Variants in ENTREP2 observed in about 807,000 individuals in gnomAD.
ENTREP2 encodes the protein endosomal transmembrane epsin interactor 2.
chr15:29,259,805 C>T, the ENTREP2 span, among the ~76,000 whole-genome samples: 668 of 146,820 alleles, frequency 4.5e-3, 2 homozygotes, highest in African/African-American at 0.017. Flanking sequence ...GGTGAAATCC[C>T]ATTTACATAT....
At chr15:29,445,379 G>A in the ENTREP2 span, among the ~76,000 whole-genome samples, 2 of 152,126 alleles carry the variant, frequency 1.3e-5, no homozygotes, top group African/African-American at 4.8e-5. Flanking sequence ...CCTGTGATTA[G>A]AGCGTTGGAA....
the ENTREP2 span, among the ~76,000 whole-genome samples, chr15:29,205,090 G>T: frequency 6.6e-6 from 1 of 152,218 alleles, no homozygotes; most frequent in South Asian, 2.1e-4. Flanking sequence ...TCCTTTTGTG[G>T]CTGGCCTATT....
chr15:29,444,199 A>AC, the ENTREP2 span, among the ~76,000 whole-genome samples: 735 of 144,792 alleles, frequency 5.1e-3, 14 homozygotes, highest in African/African-American at 0.013. Flanking sequence ...AGAAAGAAAG[A>AC]AAGAAAGAAA....
the ENTREP2 span, among the ~76,000 whole-genome samples, chr15:29,492,914 GA>G: frequency 6.6e-6 from 1 of 151,356 alleles, no homozygotes; most frequent in South Asian, 2.1e-4. Context: ...TGAGGCAGGA[GA>G]ATCGCTTGAA....
the ENTREP2 span, among the ~76,000 whole-genome samples, chr15:29,300,412 T>TGGAC: frequency 6.7e-6 from 1 of 149,306 alleles, no homozygotes; most frequent in Admixed American, 6.6e-5. Flanking sequence ...GATGGATGGA[T>TGGAC]GGATGGATGG....
the ENTREP2 span, among the ~76,000 whole-genome samples, chr15:29,478,950 T>C: frequency 6.7e-6 from 1 of 149,326 alleles, no homozygotes; most frequent in Non-Finnish European, 1.5e-5. Flanking sequence ...ATCCCAGCAC[T>C]TTGGGAGGCC....
At chr15:29,228,502 A>C in the ENTREP2 span, among the ~76,000 whole-genome samples, 5 of 152,196 alleles carry the variant, frequency 3.3e-5, no homozygotes, top group African/African-American at 1.2e-4. Context: ...GGGATGATGA[A>C]AAAGTTCTGG....
chr15:29,516,246 C>T, the ENTREP2 span, among the ~76,000 whole-genome samples: 3 of 152,108 alleles, frequency 2.0e-5, no homozygotes, highest in South Asian at 6.2e-4. Context: ...GAAACGGTCA[C>T]ACAGGGTACA....
At chr15:29,267,873 T>C in the ENTREP2 span, 1 of 152,226 alleles carries the variant, frequency 6.6e-6, no homozygotes, top group Non-Finnish European at 1.5e-5. Flanking sequence ...GGAACCTATG[T>C]AAATTCATAT....
the ENTREP2 span, among the ~76,000 whole-genome samples, chr15:29,538,993 C>G: frequency 6.6e-6 from 1 of 152,276 alleles, no homozygotes; most frequent in Non-Finnish European, 1.5e-5. Flanking sequence ...TAAGCTTTCT[C>G]CCTGTGGACT....
chr15:29,298,893 TA>T, the ENTREP2 span, among the ~76,000 whole-genome samples: 24,693 of 152,136 alleles, frequency 0.16, 3,359 homozygotes, highest in African/African-American at 0.38. Context: ...CAACCTCTGA[TA>T]AGACCTTTCA....
the ENTREP2 span, among the ~76,000 whole-genome samples, chr15:29,176,807 C>T: frequency 6.6e-6 from 1 of 152,240 alleles, no homozygotes. Context: ...TGCCCTTCTC[C>T]TCCTACTCTG....
At chr15:29,230,174 G>A in the ENTREP2 span, among the ~76,000 whole-genome samples, 5 of 152,182 alleles carry the variant, frequency 3.3e-5, 1 homozygote, top group South Asian at 1.0e-3. Flanking sequence ...TATTGCCTTA[G>A]GTTGGATCCT....
the ENTREP2 span, among the ~76,000 whole-genome samples, chr15:29,607,893 T>G: frequency 6.6e-6 from 1 of 151,898 alleles, no homozygotes; most frequent in Non-Finnish European, 1.5e-5. Context: ...TATTAAGTAT[T>G]AAATTATATG....
At chr15:29,473,796 C>T in the ENTREP2 span, among the ~76,000 whole-genome samples, 2 of 152,208 alleles carry the variant, frequency 1.3e-5, no homozygotes, top group Non-Finnish European at 2.9e-5. Context: ...ACCTCAGGGC[C>T]CCGGCCGCAG....
the ENTREP2 span, among the ~76,000 whole-genome samples, chr15:29,352,800 C>T: frequency 6.6e-6 from 1 of 152,198 alleles, no homozygotes; most frequent in African/African-American, 2.4e-5. Flanking sequence ...TATCAACTTC[C>T]CTTCAGACAT....
At chr15:29,589,232 A>G in the ENTREP2 span, among the ~76,000 whole-genome samples, 1 of 152,108 alleles carries the variant, frequency 6.6e-6, no homozygotes, top group Non-Finnish European at 1.5e-5. Context: ...TCACCTCACA[A>G]TAACTTATCC....
the ENTREP2 span, chr15:29,269,572 T>C: frequency 2.6e-6 from 4 of 1,533,612 alleles, no homozygotes; most frequent in Non-Finnish European, 3.5e-6. Flanking sequence ...CGGGGCCTCC[T>C]CGGCAAAGCC....
the ENTREP2 span, among the ~76,000 whole-genome samples, chr15:29,454,480 G>C: frequency 2.6e-5 from 4 of 152,142 alleles, no homozygotes; most frequent in African/African-American, 9.7e-5. Context: ...TGGCCCTTCA[G>C]CCTGGGATCC....
Sources: allele counts gnomAD v4.1 joint callset (sites outside exome capture counted in the v4.1 genomes callset), GRCh38; gene constraint gnomAD v4.1.1; transcripts MANE v1.5; gene names NCBI Gene and HGNC (gene_info 2026-07-23, HGNC 2026-07-21).